The following TMBIM1 variants were observed in gnomAD, a reference collection of about 807,000 sequenced individuals.
TMBIM1 encodes the protein transmembrane BAX inhibitor motif containing 1, also known as protein lifeguard 3.
In TMBIM1, 34 loss-of-function variants were observed where a neutral mutation model predicts 45.1. That is an observed-to-expected ratio of 0.75 (90% CI 0.57 to 1.00). The LOEUF (loss-of-function observed/expected upper bound fraction) is 1.00. Among genes scored for constraint, TMBIM1 ranks in the 50% least tolerant of loss-of-function variants. TMBIM1 has a pLI of 0.00. For synonymous variants in TMBIM1, 157 were observed against 153.5 expected (o/e 1.02, Z -0.17); for missense variants, 374 against 402.4 (o/e 0.93, Z 0.60).
chr2:218,278,403 T>C (rs898375386), intron 6 of TMBIM1, 112 bp downstream of exon 6: 3 of 1,145,628 alleles, frequency 2.6e-6, no homozygotes, highest in Non-Finnish European at 3.9e-6. Flanking sequence ...CTCCTCCTCA[T>C]TTCTTGTAAG....
intron 4 of TMBIM1, 50 bp from the exon 5 acceptor site, chr2:218,279,141 C>T: frequency 6.2e-7 from 1 of 1,610,720 alleles, no homozygotes; most frequent in Non-Finnish European, 8.5e-7. Context: ...TTGTCTGCCC[C>T]ACCCAGGCCA....
Position 218,282,029 on chromosome 2 carries a change from G to A in TMBIM1, c.113C>T (p.Ala38Val). 1 of 1,607,918 alleles carries A rather than the reference G, an allele frequency of 6.2e-7. No homozygotes were observed. Among genetic ancestry groups the A allele is most frequent in the South Asian group, 1.1e-5 (1 of 89,692 alleles). Reference protein sequence around the residue: ...QPSVLPGGYPAYPGYPQPGYG... With the variant: ...QPSVLPGGYPVYPGYPQPGYG... Reference sequence around the variant, plus strand: ...GCCAGGCTGCGGGTAGCCAGGGTAGGCAGGATACCCTCCTGGCAGGACAGA... The same window carrying A: ...GCCAGGCTGCGGGTAGCCAGGGTAGACAGGATACCCTCCTGGCAGGACAGA... Residue 38 changes from alanine (A) to valine (V), a missense_variant, in exon 2 of 12, where the codon GCC (alanine) becomes GTC (valine). Transcript: ENST00000258412.
intron 1 of TMBIM1, among the ~76,000 whole-genome samples, chr2:218,291,033 A>AG (rs1217208200): frequency 4.6e-5 from 7 of 152,280 alleles, no homozygotes; most frequent in South Asian, 2.1e-4. Flanking sequence ...GCCCAGGGTG[A>AG]GGCCTGCGGT....
At position 218,278,555 on chromosome 2, in the gene TMBIM1, C is replaced by T. The variant is rs200425384; in HGVS notation, c.433G>A (p.Val145Ile). The stretch of plus-strand genomic sequence containing the variant: ...CAGGCAAGGATCAGGTAGGTGACAA[C>T]GAAGACAGCACTAGGGACAAAGAGA... ...AVYYVSYAVFVVTYLILACCQ... is the reference protein window; with the variant it reads ...AVYYVSYAVFIVTYLILACCQ... The change falls in exon 6 of 12, where the codon GTT (valine) becomes ATT (isoleucine). Residue 145 changes from valine to isoleucine, a missense_variant. Transcript: ENST00000258412. 1.2e-5 allele frequency: 19 copies of T among 1,614,134 alleles called. No individual in the cohort carries two copies. In the East Asian group the frequency reaches 2.7e-4, roughly 23 times the overall value.
chr2:218,282,377 C>T (rs553637239), intron 1 of TMBIM1, among the ~76,000 whole-genome samples, 196 bp from the exon 2 acceptor site: 51 of 152,318 alleles, frequency 3.3e-4, no homozygotes, highest in South Asian at 6.2e-4. Flanking sequence ...CCTGCCTTTG[C>T]GCCTGCTTCT....
intron 1 of TMBIM1, among the ~76,000 whole-genome samples, 177 bp downstream of exon 1, chr2:218,292,289 C>A (rs560503245): frequency 1.3e-5 from 2 of 152,332 alleles, no homozygotes; most frequent in East Asian, 3.9e-4. Context: ...GAGAGCGAAA[C>A]GCCAAGGGCC....
chr2:218,281,975 G>C lies in TMBIM1; in HGVS notation c.167C>G (p.Pro56Arg). 1.9e-6 allele frequency: 3 copies of C among 1,605,282 alleles called. No homozygotes were observed. The highest frequency in any genetic ancestry group is 2.5e-6 in the Non-Finnish European group (3 of 1,177,000). Residue 56 changes from proline (P) to arginine (R), a missense_variant, in exon 2 of 12, where the codon CCC (proline) becomes CGC (arginine). Pro to Arg is a moderately radical substitution (Grantham distance 103). Coordinates refer to ENST00000258412, the MANE Select transcript of TMBIM1 (RefSeq NM_022152.6). ...GYGHPAGYPQ[P>R]MPPTHPMPMN... ...GGGCATCGGGTGGGTGGGGGGCATGGGCTGTGGGTAGCCAGCAGGGTGACC... is the reference window on the plus strand; with the variant it reads ...GGGCATCGGGTGGGTGGGGGGCATGCGCTGTGGGTAGCCAGCAGGGTGACC...
At chr2:218,288,405 G>A (rs1286937001) in intron 1 of TMBIM1, among the ~76,000 whole-genome samples, 3 of 152,136 alleles carry the variant, frequency 2.0e-5, no homozygotes, top group Non-Finnish European at 2.9e-5. Context: ...CTCCAGCCTG[G>A]GCAACAGAGG....
rs898436292 is a variant in TMBIM1, at chr2:218,274,775, A to G, written c.*700T>C. The G allele has an allele frequency of 6.5e-6, 1 of 154,792 alleles. No homozygotes were observed. 9.6% of individuals were successfully genotyped at this position (154,792 alleles called of 1,614,324 possible). On this transcript the variant is annotated 3_prime_UTR_variant, in exon 12 of 12. Coordinates refer to ENST00000258412, the MANE Select transcript of TMBIM1 (RefSeq NM_022152.6). Reference sequence around the variant, plus strand: ...CCACATGTGGCCTGCTCTGTCTTATAGCGTCACAAGCCAGGAGCAAGCCCA... The same window carrying G: ...CCACATGTGGCCTGCTCTGTCTTATGGCGTCACAAGCCAGGAGCAAGCCCA...
intron 9 of TMBIM1, 128 bp downstream of exon 9, chr2:218,277,236 GAC>G (rs1574628253): frequency 8.6e-7 from 1 of 1,163,038 alleles, no homozygotes; most frequent in Non-Finnish European, 1.3e-6. Context: ...ACAGAAACAG[GAC>G]ACAGTTTTGT....
intron 1 of TMBIM1, among the ~76,000 whole-genome samples, chr2:218,283,829 C>T (rs1215956957): frequency 6.6e-6 from 1 of 152,048 alleles, no homozygotes; most frequent in African/African-American, 2.4e-5. Context: ...TCTTCATCTC[C>T]CTAGAGGGGC....
At chr2:218,283,321 C>A (rs1692219540) in intron 1 of TMBIM1, among the ~76,000 whole-genome samples, 1 of 152,220 alleles carries the variant, frequency 6.6e-6, no homozygotes, top group South Asian at 2.1e-4. Context: ...GTGGCATAAC[C>A]AGGACGGAGG....
chr2:218,279,006 C>T (rs780866554), intron 5 of TMBIM1, 32 bp downstream of exon 5: 23 of 1,613,526 alleles, frequency 1.4e-5, no homozygotes, highest in Non-Finnish European at 1.9e-5. Context: ...ACCCCTGCCT[C>T]CCTGCCCAAC....
chr2:218,292,052 C>G (rs1692965003), intron 1 of TMBIM1, among the ~76,000 whole-genome samples: 1 of 152,068 alleles, frequency 6.6e-6, no homozygotes, highest in Non-Finnish European at 1.5e-5. Context: ...CCTCCCTCTT[C>G]CCTCTTCTCA....
At chr2:218,281,140 G>GTTTT (rs368774492) in intron 2 of TMBIM1, 59,506 of 113,280 alleles carry the variant, frequency 0.53, 16,074 homozygotes, top group South Asian at 0.69. Flanking sequence ...TTTTTTTTTT[G>GTTTT]GTTTTTTTTT....
At chr2:218,280,168 A>G (rs777884128) in intron 2 of TMBIM1, 42 bp from the exon 3 acceptor site, 1 of 1,433,858 alleles carries the variant, frequency 7.0e-7, no homozygotes, top group Non-Finnish European at 9.8e-7. Flanking sequence ...GACCTGAGAC[A>G]TGTGGCGTCA....
chr2:218,281,510 G>A (rs1691990546), intron 2 of TMBIM1, among the ~76,000 whole-genome samples: 1 of 152,222 alleles, frequency 6.6e-6, no homozygotes, highest in African/African-American at 2.4e-5. Context: ...AATGTCTTTT[G>A]CAAAAGTCAG....
rs1029322783 is a variant in TMBIM1 at position 218,274,360 on chromosome 2, G to A, written c.*1115C>T. ...ACCCTTGTCCCCCTTCCCCATTCCA[G>A]CTCAAGGCACTTAATATTACAAAGA... On this transcript the variant is annotated 3_prime_UTR_variant, in exon 12 of 12. Coordinates refer to ENST00000258412, the MANE Select transcript of TMBIM1 (RefSeq NM_022152.6). 6.5e-6 allele frequency: 1 copy of A among 154,748 alleles called. No individual in the cohort carries two copies. Among genetic ancestry groups the A allele is most frequent in the Non-Finnish European group, 1.5e-5 (1 of 68,204 alleles). The allele number at this position is 154,748 out of a possible 1,614,324, so 9.6% of individuals were successfully genotyped here. A position where few individuals can be genotyped will look rare whatever the true frequency, so the allele number is the denominator to read the frequency against.
intron 2 of TMBIM1, chr2:218,280,396 G>C (rs994838083): frequency 4.8e-5 from 19 of 399,008 alleles, no homozygotes; most frequent in Non-Finnish European, 6.1e-5. Context: ...GGTTCACTGG[G>C]GGGTCACGAT....
Sources: gnomAD v4.1 joint callset for allele counts (sites outside exome capture counted in the v4.1 genomes callset) on GRCh38, gnomAD v4.1.1 for gene constraint, MANE v1.5 for transcripts, NCBI Gene and HGNC (gene_info 2026-07-23, HGNC 2026-07-21) for gene names.